The following PLA2R1 variants were observed in gnomAD, a reference collection of about 807,000 sequenced individuals.
PLA2R1 encodes secretory phospholipase A2 receptor.
Under a neutral mutation model 195.9 loss-of-function variants are expected in PLA2R1, and 158 were observed. That is an observed-to-expected ratio of 0.81 (90% CI 0.71 to 0.92). The LOEUF is 0.92. Among genes scored for constraint, PLA2R1 ranks in the 40% least tolerant of loss-of-function variants. The pLI is 0.00. For synonymous variants in PLA2R1, 586 were observed against 598.2 expected (o/e 0.98, Z 0.30); for missense variants, 1,626 against 1,764.6 (o/e 0.92, Z 1.41).
chr2:160,003,675 C>T, intron 11 of PLA2R1, among the ~76,000 whole-genome samples: 1 of 152,136 alleles, frequency 6.6e-6, no homozygotes, highest in East Asian at 1.9e-4. Context: ...AGCTGCCACT[C>T]TCAAATTTTG....
At chr2:160,049,347 C>A (rs1006437848) in intron 1 of PLA2R1, among the ~76,000 whole-genome samples, 2 of 152,138 alleles carry the variant, frequency 1.3e-5, no homozygotes, top group Admixed American at 6.5e-5. Context: ...TAGGTTATTA[C>A]CTTTATGACT....
At chr2:159,985,544 T>G (rs1176070160) in intron 12 of PLA2R1, among the ~76,000 whole-genome samples, 3 of 152,162 alleles carry the variant, frequency 2.0e-5, no homozygotes, top group Non-Finnish European at 4.4e-5. Context: ...TAGAAATGTC[T>G]TCACTTATAT....
At chr2:160,015,726 C>T (rs986165833) in intron 9 of PLA2R1, among the ~76,000 whole-genome samples, 3 of 152,080 alleles carry the variant, frequency 2.0e-5, no homozygotes, top group Non-Finnish European at 4.4e-5. Context: ...ATGTCAGCTA[C>T]GGCATATCTA....
Position 159,946,564 on chromosome 2 carries a change from T to C in PLA2R1, c.3967+237A>G, listed in dbSNP as rs1423140766. ...CAGCCAAGCATCTTCCTGCTAAGGG[T>C]AAAGATAAACATGTTATTGTTTGTT... On this transcript the variant is annotated intron_variant, in intron 27 of 29. Transcript: ENST00000283243. 8.4e-6 allele frequency: 10 copies of C among 1,184,554 alleles called. No homozygotes were observed. In the East Asian group the frequency reaches 4.6e-4, roughly 55 times the overall value. The allele number at this position is 1,184,554 out of a possible 1,614,324, so 73.4% of individuals were successfully genotyped here.
At chr2:159,978,796 C>A (rs1296884270) in intron 14 of PLA2R1, among the ~76,000 whole-genome samples, 2 of 152,138 alleles carry the variant, frequency 1.3e-5, no homozygotes, top group Non-Finnish European at 2.9e-5. Context: ...CTTCTATAAA[C>A]CTCTTCCTTG....
At chr2:160,011,314 C>G (rs779843846) in intron 10 of PLA2R1, among the ~76,000 whole-genome samples, 3 of 152,186 alleles carry the variant, frequency 2.0e-5, no homozygotes, top group Non-Finnish European at 4.4e-5. Context: ...TTGTGCTATT[C>G]TACCTTCTTC....
intron 3 of PLA2R1, 44 bp downstream of exon 3, chr2:160,041,979 CTT>C: frequency 6.8e-7 from 1 of 1,463,662 alleles, no homozygotes; most frequent in Non-Finnish European, 9.5e-7. Flanking sequence ...TTCTAATCAT[CTT>C]TGATTCATTC....
intron 23 of PLA2R1, among the ~76,000 whole-genome samples, chr2:159,953,570 T>A (rs1467092514): frequency 6.6e-6 from 1 of 152,210 alleles, no homozygotes; most frequent in Non-Finnish European, 1.5e-5. Flanking sequence ...GCAGAAATCA[T>A]GATCACAGAA....
rs1377448664 is a variant in PLA2R1 at position 159,967,676 on chromosome 2, G to C, written c.2767C>G (p.Leu923Val). The C allele has an allele frequency of 6.2e-7, 1 of 1,612,556 alleles. No individual in the cohort carries two copies. The highest frequency in any genetic ancestry group is 1.3e-5 in the African/African-American group (1 of 74,862). Residue 923 changes from leucine (L) to valine (V), a missense_variant and splice_region_variant, in exon 20 of 30, where the codon CTC (leucine) becomes GTC (valine). By Grantham distance (32) the Leu-to-Val change is conservative. Transcript: ENST00000283243. ...ACTGAACACTCTTCACTACCCCAGA[G>C]TCCTGGAGGAGAAAATGGGTTAGAA... ...RCGFISSITG[L>V]WGSEECSVSM...
intron 1 of PLA2R1, among the ~76,000 whole-genome samples, chr2:160,045,507 C>T (rs992357993): frequency 2.6e-5 from 4 of 152,216 alleles, no homozygotes; most frequent in African/African-American, 9.7e-5. Flanking sequence ...ATACTCAGGG[C>T]TCCCGGGGAG....
chr2:159,994,197 T>G (rs1346954111), intron 11 of PLA2R1, among the ~76,000 whole-genome samples: 1 of 151,816 alleles, frequency 6.6e-6, no homozygotes, highest in South Asian at 2.1e-4. Context: ...TTTTTAAAAA[T>G]AAAAATGCGT....
intron 2 of PLA2R1, 92 bp downstream of exon 2, chr2:160,044,682 T>C: frequency 1.8e-6 from 2 of 1,098,994 alleles, no homozygotes; most frequent in Non-Finnish European, 2.7e-6. Context: ...AGGCTTCGTG[T>C]ACTTCTTTCA....
intron 8 of PLA2R1, among the ~76,000 whole-genome samples, chr2:160,017,675 T>C (rs1439272900): frequency 6.6e-6 from 1 of 152,236 alleles, no homozygotes; most frequent in East Asian, 1.9e-4. Context: ...TTAATAATGA[T>C]ATAATAACTG....
chr2:159,997,802 G>A (rs1298531984), intron 11 of PLA2R1, among the ~76,000 whole-genome samples: 3 of 152,066 alleles, frequency 2.0e-5, no homozygotes, highest in Admixed American at 6.6e-5. Flanking sequence ...TTTGCCTTGC[G>A]ATGGATCTAA....
chr2:160,034,670 T>C (rs1022101297), intron 3 of PLA2R1, among the ~76,000 whole-genome samples: 1 of 152,316 alleles, frequency 6.6e-6, no homozygotes, highest in East Asian at 1.9e-4. Flanking sequence ...CAGTGGCTCA[T>C]GCCTGTAATT....
In PLA2R1 at chr2:160,046,658, T is replaced by C. The variant is rs190059374; in HGVS notation, c.110-1501A>G. ...TAGTTGATGACCTTACCTATAGCCA[T>C]AGATTTGAGGAGTTGAATTAGTTGT... On this transcript the variant is annotated intron_variant, in intron 1 of 29. Transcript: ENST00000283243. 3.9e-5 allele frequency among the ~76,000 whole-genome samples: 6 copies of C among 152,208 alleles called. No homozygotes were observed. The East Asian group carries it at 9.6e-4, about 24-fold the overall frequency.
chr2:160,014,226 TTTTC>T (rs1258520112), intron 9 of PLA2R1, among the ~76,000 whole-genome samples: 5 of 115,730 alleles, frequency 4.3e-5, no homozygotes, highest in South Asian at 5.3e-4. Context: ...TATTTTTTCT[TTTTC>T]TTTCTTTTTT....
At chr2:160,005,846 T>A (rs1259726709) in intron 10 of PLA2R1, 25 bp from the exon 11 acceptor site, 3 of 1,540,036 alleles carry the variant, frequency 1.9e-6, no homozygotes, top group African/African-American at 2.7e-5. Flanking sequence ...AAAGAAGTGG[T>A]TACATTAAGT....
chr2:160,053,206 C>A (rs1695322104), intron 1 of PLA2R1, among the ~76,000 whole-genome samples: 1 of 152,132 alleles, frequency 6.6e-6, no homozygotes. Context: ...TCTCTCTATG[C>A]ATATTTCTGT....
Sources: gnomAD v4.1 joint callset for allele counts (sites outside exome capture counted in the v4.1 genomes callset) on GRCh38, gnomAD v4.1.1 for gene constraint, MANE v1.5 for transcripts, NCBI Gene and HGNC (gene_info 2026-07-23, HGNC 2026-07-21) for gene names.